The following TET3 variants were observed in gnomAD, a reference collection of about 807,000 sequenced individuals.
The protein encoded by TET3 is methylcytosine dioxygenase TET3.
A neutral mutation model predicts 141.4 loss-of-function variants in TET3; 19 were observed. The observed-to-expected ratio is 0.13, with a 90% CI of 0.09 to 0.20. The LOEUF (loss-of-function observed/expected upper bound fraction) is 0.20. Ranked by LOEUF, TET3 falls within the 10% of genes least tolerant of loss-of-function variation. TET3 has a pLI of 1.00. For synonymous variants in TET3, 1,043 were observed against 980.9 expected (o/e 1.06, Z -1.18); for missense variants, 1,874 against 2,356.9 (o/e 0.80, Z 4.24).
intron 3 of TET3, among the ~76,000 whole-genome samples, chr2:74,043,268 A>G (rs1227238273): frequency 2.0e-5 from 3 of 152,238 alleles, no homozygotes; most frequent in South Asian, 2.1e-4. Flanking sequence ...GATCTGCCAC[A>G]TTCCTAGACT....
At chr2:74,085,784 AG>A (rs1355755219) in intron 6 of TET3, among the ~76,000 whole-genome samples, 1 of 152,184 alleles carries the variant, frequency 6.6e-6, no homozygotes, top group Non-Finnish European at 1.5e-5. Flanking sequence ...CCTGGGGGTC[AG>A]AGACCCCTGC....
chr2:74,080,372 C>G (rs1689741032), intron 5 of TET3, 126 bp from the exon 6 acceptor site: 7 of 781,584 alleles, frequency 9.0e-6, no homozygotes, highest in Non-Finnish European at 1.3e-5. Flanking sequence ...CTTTCTCTTT[C>G]TTCTCTGTTG....
At chr2:74,007,763 TAA>T (rs1685218145) in intron 3 of TET3, among the ~76,000 whole-genome samples, 1 of 152,242 alleles carries the variant, frequency 6.6e-6, no homozygotes, top group African/African-American at 2.4e-5. Context: ...CTTCCAAAGT[TAA>T]GTTTTTCTCA....
In TET3 at chr2:74,102,196, C is replaced by T; in HGVS notation, c.*20C>T. 1 of 1,427,302 alleles carries T rather than the reference C, an allele frequency of 7.0e-7. No individual in the cohort carries two copies. The highest frequency in any genetic ancestry group is 2.6e-5 in the East Asian group (1 of 39,106). The allele number at this position is 1,427,302 out of a possible 1,614,324, so 88.4% of individuals were successfully genotyped here. ...ATCTAGGTGCCAGGGAGCCAGCGTA[C>T]CTCAGCGTCGGGCCTGGCCCGAGCT... is the stretch of plus-strand genomic sequence containing the variant. On this transcript the variant is annotated 3_prime_UTR_variant, in exon 12 of 12. Coordinates refer to ENST00000409262, the MANE Select transcript of TET3 (RefSeq NM_001287491.2).
chr2:74,127,106 A>T, the TET3 span, among the ~76,000 whole-genome samples: 1 of 152,178 alleles, frequency 6.6e-6, no homozygotes, highest in Non-Finnish European at 1.5e-5. Context: ...AGGTAGAAAA[A>T]TGAGCTGCTT....
intron 3 of TET3, among the ~76,000 whole-genome samples, chr2:74,016,653 C>A (rs575379397): frequency 6.6e-6 from 1 of 151,566 alleles, no homozygotes; most frequent in East Asian, 2.0e-4. Context: ...GCCTGGGAAG[C>A]GGAGGTTGCA....
Position 74,093,408 on chromosome 2 carries a change from C to T in TET3, c.3130-121C>T, listed in dbSNP as rs766655905. The T allele has an allele frequency of 1.9e-4, 249 of 1,345,816 alleles. No individual in the cohort carries two copies. Among genetic ancestry groups the T allele is most frequent in the Non-Finnish European group, 2.2e-4 (226 of 1,020,348 alleles). 83.4% of individuals were successfully genotyped at this position (1,345,816 alleles called of 1,614,324 possible). ...AGCCAGAAAACCTCCCTCCTGCAGT[C>T]GAAGGGCAAGGTGACTATCATCCTT... On this transcript the variant is annotated intron_variant, in intron 9 of 11. Coordinates refer to ENST00000409262, the MANE Select transcript of TET3 (RefSeq NM_001287491.2). This position sits in a 1 kb window ranked among gnomAD's most constrained non-coding sequence, Gnocchi z 4.2.
intron 4 of TET3, among the ~76,000 whole-genome samples, chr2:74,056,572 C>G (rs951284230): frequency 6.6e-6 from 1 of 152,052 alleles, no homozygotes; most frequent in South Asian, 2.1e-4. Flanking sequence ...CTTCTTCTCT[C>G]AGTGGTCAAA....
chr2:74,008,355 G>A (rs1390843218), intron 3 of TET3, among the ~76,000 whole-genome samples: 3 of 152,194 alleles, frequency 2.0e-5, no homozygotes, highest in African/African-American at 4.8e-5. Context: ...CAGAGCCCTT[G>A]GAGCCCCTGT....
chr2:73,993,969 C>T (rs974258562), intron 2 of TET3, among the ~76,000 whole-genome samples: 5 of 151,856 alleles, frequency 3.3e-5, no homozygotes, highest in Non-Finnish European at 5.9e-5. Flanking sequence ...AAGTAGTAGG[C>T]GAGTCAGATC....
rs934476323 is a variant in TET3 at position 74,104,502 on chromosome 2, G to A, written c.*2326G>A. 2.6e-5 allele frequency: 4 copies of A among 152,164 alleles called. No individual in the cohort carries two copies. Among genetic ancestry groups the A allele is most frequent in the Non-Finnish European group, 4.4e-5 (3 of 68,036 alleles). 9.4% of individuals were successfully genotyped at this position (152,164 alleles called of 1,614,324 possible). ...CAGGTCTCATTTGACTCCGTGCTTA[G>A]GTAGATGCGGGGGTGCCTTGAAAAC... On this transcript the variant is annotated 3_prime_UTR_variant, in exon 12 of 12. Transcript: ENST00000409262.
intron 4 of TET3, among the ~76,000 whole-genome samples, chr2:74,057,364 A>G (rs1185993107): frequency 1.3e-5 from 2 of 152,210 alleles, no homozygotes. Context: ...GGGCTTGGAG[A>G]TGAAATTTCC....
chr2:74,063,225 A>C (rs577420842), intron 4 of TET3, among the ~76,000 whole-genome samples: 18 of 151,060 alleles, frequency 1.2e-4, no homozygotes, highest in East Asian at 5.8e-4. Flanking sequence ...CAGGCTTCTC[A>C]TGTAAGATCA....
Position 74,080,420 on chromosome 2 carries a change from T to C in TET3, c.2586-78T>C. ...ACCAGAAACTCAAACAAAAGCACACTGAGGCTGTCTTCTGACCAAAAGTTG... is the reference window on the plus strand; with the variant it reads ...ACCAGAAACTCAAACAAAAGCACACCGAGGCTGTCTTCTGACCAAAAGTTG... On this transcript the variant is annotated intron_variant, in intron 5 of 11. Coordinates refer to ENST00000409262, the MANE Select transcript of TET3 (RefSeq NM_001287491.2). 3.9e-6 allele frequency: 5 copies of C among 1,272,248 alleles called. No homozygotes were observed. The South Asian group carries it at 6.4e-5, about 16-fold the overall frequency. The allele number at this position is 1,272,248 out of a possible 1,614,324, so 78.8% of individuals were successfully genotyped here. A position where few individuals can be genotyped will look rare whatever the true frequency, so the allele number is the denominator to read the frequency against.
intron 5 of TET3, among the ~76,000 whole-genome samples, chr2:74,077,069 A>C (rs1689552058): frequency 6.6e-6 from 1 of 152,196 alleles, no homozygotes; most frequent in Non-Finnish European, 1.5e-5. Flanking sequence ...CTGTCTGGGA[A>C]GGAGATTCTC....
chr2:74,119,323 A>G, the TET3 span, among the ~76,000 whole-genome samples: 3 of 150,630 alleles, frequency 2.0e-5, no homozygotes, highest in Non-Finnish European at 4.4e-5. Context: ...ACTGCACTTC[A>G]GCCTGGGAGA....
At chr2:74,022,672 C>T (rs958875028) in intron 3 of TET3, among the ~76,000 whole-genome samples, 1 of 152,172 alleles carries the variant, frequency 6.6e-6, no homozygotes, top group African/African-American at 2.4e-5. Context: ...TAGGCCAGAC[C>T]AGTGCTTCTC....
intron 3 of TET3, among the ~76,000 whole-genome samples, chr2:74,007,362 T>C (rs773639618): frequency 2.0e-5 from 3 of 152,172 alleles, no homozygotes; most frequent in Non-Finnish European, 4.4e-5. Context: ...AATTAAGTCA[T>C]TGTTTCCCGG....
At chr2:74,012,339 T>G (rs1219894317) in intron 3 of TET3, among the ~76,000 whole-genome samples, 1 of 152,230 alleles carries the variant, frequency 6.6e-6, no homozygotes, top group Non-Finnish European at 1.5e-5. Context: ...ATCTGTTTAG[T>G]GTCGTTTGTA....
Sources: gnomAD v4.1 joint callset for allele counts (sites outside exome capture counted in the v4.1 genomes callset) on GRCh38, gnomAD v4.1.1 for gene constraint, Gnocchi (gnomAD v3.1) non-coding constraint, MANE v1.5 for transcripts, NCBI Gene and HGNC (gene_info 2026-07-23, HGNC 2026-07-21) for gene names.